Variants in NTRK2 observed in about 807,000 individuals in gnomAD.
NTRK2 encodes neurotrophic receptor tyrosine kinase 2.
In NTRK2, 13 loss-of-function variants were observed where a neutral mutation model predicts 94.5. The ratio of observed to expected loss-of-function variants is 0.14; its 90% CI spans 0.09 to 0.22. The LOEUF (loss-of-function observed/expected upper bound fraction) is 0.22. Among genes scored for constraint, NTRK2 ranks in the 10% least tolerant of loss-of-function variants. The probability of loss-of-function intolerance (pLI) is 1.00; values close to 1 mark genes in which losing one functional copy is unlikely to be tolerated. For synonymous variants in NTRK2, 372 were observed against 407.4 expected (o/e 0.91, Z 1.05); for missense variants, 639 against 1,071.2 (o/e 0.60, Z 5.63).
At chr9:84,982,888 G>A (rs992087045) in intron 17 of NTRK2, among the ~76,000 whole-genome samples, 6 of 152,076 alleles carry the variant, frequency 3.9e-5, no homozygotes, top group African/African-American at 1.4e-4. Context: ...TATCAAAGGG[G>A]ATGGAAAATA....
chr9:84,895,348 A>G (rs2076727142), intron 14 of NTRK2, among the ~76,000 whole-genome samples: 1 of 152,184 alleles, frequency 6.6e-6, no homozygotes, highest in African/African-American at 2.4e-5. Context: ...AGCCTTTCAT[A>G]AAAGTCTTTG....
intron 17 of NTRK2, among the ~76,000 whole-genome samples, chr9:84,987,880 A>T (rs960573402): frequency 6.6e-6 from 1 of 152,230 alleles, no homozygotes; most frequent in African/African-American, 2.4e-5. Context: ...TTAGTGATAT[A>T]TATATTTGCC....
At chr9:84,739,154 G>T (rs375168267) in intron 9 of NTRK2, among the ~76,000 whole-genome samples, 3 of 152,146 alleles carry the variant, frequency 2.0e-5, no homozygotes, top group Non-Finnish European at 4.4e-5. Context: ...GAGTTCAAGC[G>T]ATTCTCGTGC....
At chr9:84,730,437 C>A (rs1034139733) in intron 9 of NTRK2, among the ~76,000 whole-genome samples, 1 of 152,100 alleles carries the variant, frequency 6.6e-6, no homozygotes, top group South Asian at 2.1e-4. Context: ...CTATTAACCT[C>A]CTTTAAAACT....
In NTRK2 at chr9:84,675,324, CTTTTTTTTTTTTTTTTTT is replaced by C. The variant is rs536445167; in HGVS notation, c.212+4374_212+4391del. On this transcript the variant is annotated intron_variant, in intron 2 of 18. Coordinates refer to ENST00000277120, the MANE Select transcript of NTRK2 (RefSeq NM_006180.6). ...CTCTTCTCCTTTCTTTCTTTCTTTC[CTTTTTTTTTTTTTTTTTT>C]TTTTTTTTTGCCTTGAGTGTTAAGC... is the stretch of plus-strand genomic sequence containing the variant. 8.9e-5 allele frequency among the ~76,000 whole-genome samples: 6 copies of C among 67,324 alleles called. 1 individual carries two copies. The South Asian group carries it at 3.6e-3, about 40-fold the overall frequency. 44.2% of individuals were successfully genotyped at this position (67,324 alleles called of 152,430 possible).
At chr9:84,940,687 T>C (rs1214517480) in intron 15 of NTRK2, among the ~76,000 whole-genome samples, 8 of 151,696 alleles carry the variant, frequency 5.3e-5, no homozygotes, top group Non-Finnish European at 1.2e-4. Flanking sequence ...ACAAGAGCAG[T>C]ATAAGGGCTC....
intron 14 of NTRK2, among the ~76,000 whole-genome samples, chr9:84,928,468 T>C (rs2077899918): frequency 6.6e-6 from 1 of 152,258 alleles, no homozygotes; most frequent in South Asian, 2.1e-4. Flanking sequence ...CAAGTATTTC[T>C]AGTAGAAAAG....
Position 84,826,516 on chromosome 9 carries a change from G to T in NTRK2, c.1397-34524G>T, listed in dbSNP as rs544519787. On this transcript the variant is annotated intron_variant, in intron 12 of 18. Coordinates refer to ENST00000277120, the MANE Select transcript of NTRK2 (RefSeq NM_006180.6). ...GGATTGGACATATCTTTTTTTACAGGCCACCATGTAACCCACTACCTGGAG... is the reference window on the plus strand; with the variant it reads ...GGATTGGACATATCTTTTTTTACAGTCCACCATGTAACCCACTACCTGGAG... Among the ~76,000 whole-genome samples the T allele has an allele frequency of 9.9e-4, 151 of 152,180 alleles. 2 individuals are homozygous for T. The Middle Eastern group carries it at 0.017, about 17-fold the overall frequency.
chr9:84,770,415 C>T (rs185479086), intron 12 of NTRK2, among the ~76,000 whole-genome samples: 2 of 152,248 alleles, frequency 1.3e-5, no homozygotes, highest in East Asian at 1.9e-4. Context: ...TGAGATTTCA[C>T]CTGAAGTTGC....
chr9:84,694,994 G>A (rs2060279853), intron 2 of NTRK2, among the ~76,000 whole-genome samples: 1 of 146,400 alleles, frequency 6.8e-6, no homozygotes, highest in Non-Finnish European at 1.5e-5. Context: ...TGGGGAGCTT[G>A]CAGTGAGCCG....
chr9:84,811,605 A>C, intron 12 of NTRK2: 1 of 1,065,468 alleles, frequency 9.4e-7, no homozygotes, highest in Non-Finnish European at 1.1e-6. Context: ...TGAGCAGGAG[A>C]GGAGATTCTA....
intron 5 of NTRK2, among the ~76,000 whole-genome samples, chr9:84,708,643 A>G (rs1481503609): frequency 6.6e-6 from 1 of 152,198 alleles, no homozygotes; most frequent in African/African-American, 2.4e-5. Flanking sequence ...ATGTGGGCCC[A>G]GGAAGAGGCC....
intron 12 of NTRK2, among the ~76,000 whole-genome samples, chr9:84,770,856 A>G (rs1272307606): frequency 1.3e-5 from 2 of 152,152 alleles, no homozygotes; most frequent in Non-Finnish European, 2.9e-5. Flanking sequence ...TAGAACCACA[A>G]TACAAGCCCA....
chr9:84,761,357 A>T (rs1281724219), intron 12 of NTRK2, among the ~76,000 whole-genome samples: 1 of 152,156 alleles, frequency 6.6e-6, no homozygotes, highest in African/African-American at 2.4e-5. Flanking sequence ...GTTTCTATTT[A>T]TGGTTGTGGT....
At chr9:84,883,177 C>T (rs1317516226) in intron 14 of NTRK2, among the ~76,000 whole-genome samples, 1 of 152,266 alleles carries the variant, frequency 6.6e-6, no homozygotes, top group African/African-American at 2.4e-5. Flanking sequence ...AGTCCCCAGA[C>T]GATTAGGATA....
At chr9:84,818,875 C>T (rs540385195) in intron 12 of NTRK2, among the ~76,000 whole-genome samples, 1 of 152,326 alleles carries the variant, frequency 6.6e-6, no homozygotes, top group African/African-American at 2.4e-5. Context: ...AATGCCTGCG[C>T]TGTTCCTTGC....
At position 84,934,279 on chromosome 9, in the gene NTRK2, T is replaced by G; in HGVS notation, c.1751T>G (p.Leu584Trp). ...YNLCPEQDKI[L>W]VAVKTLKDAS... Reference sequence around the variant, plus strand: ...CTCTGTCCTGAGCAGGACAAGATCTTGGTGGCAGTGAAGGTAAGAGAACAT... The same window carrying G: ...CTCTGTCCTGAGCAGGACAAGATCTGGGTGGCAGTGAAGGTAAGAGAACAT... The change falls in exon 15 of 19, where the codon TTG (leucine) becomes TGG (tryptophan). Residue 584 changes from leucine (L) to tryptophan (W), a missense_variant. Leu to Trp is a moderately conservative substitution (Grantham distance 61, BLOSUM62 -2). Transcript: ENST00000277120. 1 of 1,614,040 alleles carries G rather than the reference T, an allele frequency of 6.2e-7. No individual in the cohort carries two copies. Among genetic ancestry groups the G allele is most frequent in the East Asian group, 2.2e-5 (1 of 44,882 alleles).
chr9:84,933,532 G>A (rs2078111413), intron 14 of NTRK2, among the ~76,000 whole-genome samples: 1 of 152,182 alleles, frequency 6.6e-6, no homozygotes, highest in African/African-American at 2.4e-5. Context: ...ACTGAGCCAT[G>A]ATTTTAAAAC....
chr9:84,829,062 G>A (rs1160163454), intron 12 of NTRK2, among the ~76,000 whole-genome samples: 5 of 151,838 alleles, frequency 3.3e-5, no homozygotes, highest in Non-Finnish European at 5.9e-5. Flanking sequence ...GCAGTGGCAC[G>A]ATCTCAGTTC....
Sources: allele counts gnomAD v4.1 joint callset (sites outside exome capture counted in the v4.1 genomes callset), GRCh38; gene constraint gnomAD v4.1.1; transcripts MANE v1.5; gene names NCBI Gene and HGNC (gene_info 2026-07-23, HGNC 2026-07-21).